The following FHIT variants were observed in gnomAD, a reference collection of about 807,000 sequenced individuals.
FHIT encodes bis(5'-adenosyl)-triphosphatase.
FHIT carries 19 observed loss-of-function variants against 17.9 expected under a neutral mutation model. The ratio of observed to expected loss-of-function variants is 1.06; its 90% CI spans 0.74 to 1.56. The LOEUF (loss-of-function observed/expected upper bound fraction) is 1.56. FHIT is among the 40% of genes most tolerant of loss of function. The probability of loss-of-function intolerance (pLI) is 0.00; values close to 1 mark genes in which losing one functional copy is unlikely to be tolerated. For missense variants in FHIT, 248 were observed against 189.2 expected, an observed-to-expected ratio of 1.31 and a Z score of -1.82; for synonymous variants, 81 against 69.7, an observed-to-expected ratio of 1.16 and a Z score of -0.81.
At chr3:60,971,904 C>A (rs1322599412) in intron 3 of FHIT, among the ~76,000 whole-genome samples, 2 of 152,146 alleles carry the variant, frequency 1.3e-5, no homozygotes, top group South Asian at 2.1e-4. Context: ...AGATGTGGAA[C>A]AAATGCTTGA....
At chr3:60,856,966 A>T (rs1248492192) in intron 3 of FHIT, among the ~76,000 whole-genome samples, 1 of 152,154 alleles carries the variant, frequency 6.6e-6, no homozygotes, top group African/African-American at 2.4e-5. Context: ...AAACCAGGTT[A>T]CCTTCCCAAT....
chr3:60,268,806 G>A (rs553915599), intron 5 of FHIT, among the ~76,000 whole-genome samples: 1 of 152,166 alleles, frequency 6.6e-6, no homozygotes, highest in African/African-American at 2.4e-5. Context: ...GATGAAGGTT[G>A]CTAATCTGCT....
chr3:60,385,798 G>C (rs1700984612), intron 5 of FHIT, among the ~76,000 whole-genome samples: 1 of 152,082 alleles, frequency 6.6e-6, no homozygotes, highest in African/African-American at 2.4e-5. Context: ...GACTGGTCTT[G>C]AACTCCTGAA....
intron 3 of FHIT, among the ~76,000 whole-genome samples, chr3:61,026,652 T>TC (rs2032748108): frequency 6.6e-6 from 1 of 151,948 alleles, no homozygotes; most frequent in African/African-American, 2.4e-5. Flanking sequence ...TGAGACCTTT[T>TC]TTTTGCAATT....
chr3:61,130,603 T>C (rs1432091081), intron 2 of FHIT, among the ~76,000 whole-genome samples: 2 of 151,952 alleles, frequency 1.3e-5, no homozygotes, highest in East Asian at 3.9e-4. Context: ...TTGGACAAAA[T>C]AAAGAAGCTC....
intron 3 of FHIT, among the ~76,000 whole-genome samples, chr3:60,960,810 A>G (rs140594773): frequency 0.026 from 3,982 of 152,158 alleles, 166 homozygotes; most frequent in African/African-American, 0.085. Context: ...TATGTGCCAC[A>G]TTTTCTTAAT....
chr3:60,149,222 A>G (rs1467606342), intron 5 of FHIT, among the ~76,000 whole-genome samples: 1 of 152,124 alleles, frequency 6.6e-6, no homozygotes, highest in African/African-American at 2.4e-5. Context: ...ATGCCATAGG[A>G]TTTAGAAAGG....
intron 4 of FHIT, among the ~76,000 whole-genome samples, chr3:60,806,133 A>G (rs1701377025): frequency 1.3e-5 from 2 of 152,342 alleles, no homozygotes; most frequent in African/African-American, 2.4e-5. Context: ...TGTGGCACTC[A>G]AATACACAAC....
intron 2 of FHIT, among the ~76,000 whole-genome samples, chr3:61,197,422 T>C (rs1560062544): frequency 6.6e-6 from 1 of 152,170 alleles, no homozygotes. Flanking sequence ...CATATAATAC[T>C]GTCATGCTAT....
chr3:61,129,641 C>T (rs1224920632), intron 2 of FHIT, among the ~76,000 whole-genome samples: 1 of 152,198 alleles, frequency 6.6e-6, no homozygotes, highest in East Asian at 1.9e-4. Context: ...GCAAGATCTT[C>T]GAAGCTTAGA....
chr3:59,800,661 T>C (rs1232921727), intron 8 of FHIT, among the ~76,000 whole-genome samples: 2 of 152,222 alleles, frequency 1.3e-5, no homozygotes, highest in Admixed American at 6.5e-5. Flanking sequence ...ACCCCTTTCT[T>C]GGGCCACTGG....
chr3:61,038,665 C>T (rs78943909), intron 3 of FHIT, among the ~76,000 whole-genome samples: 1,871 of 151,990 alleles, frequency 0.012, 42 homozygotes, highest in African/African-American at 0.043. Flanking sequence ...TTCTGAAATA[C>T]ATCAGAGTAA....
chr3:60,408,711 T>C (rs1460617107), intron 5 of FHIT, among the ~76,000 whole-genome samples: 1 of 152,154 alleles, frequency 6.6e-6, no homozygotes, highest in African/African-American at 2.4e-5. Context: ...AACTTGGTAT[T>C]TCCTAAGATC....
chr3:60,060,303 C>A (rs983889850), intron 5 of FHIT, among the ~76,000 whole-genome samples: 1 of 152,034 alleles, frequency 6.6e-6, no homozygotes, highest in Non-Finnish European at 1.5e-5. Flanking sequence ...ATCTCAAAAC[C>A]AAATTATAAT....
At chr3:59,793,457 C>T (rs683809) in intron 8 of FHIT, among the ~76,000 whole-genome samples, 112,311 of 152,012 alleles carry the variant, frequency 0.74, 41,777 homozygotes, top group Middle Eastern at 0.83. Flanking sequence ...TTACCAAAGA[C>T]GACAAGAGGA....
At chr3:60,378,887 A>C (rs1223550908) in intron 5 of FHIT, among the ~76,000 whole-genome samples, 1 of 152,330 alleles carries the variant, frequency 6.6e-6, no homozygotes, top group East Asian at 1.9e-4. Flanking sequence ...AAAAAGATCA[A>C]ACGTGGATTC....
intron 4 of FHIT, among the ~76,000 whole-genome samples, chr3:60,620,600 C>G (rs1300919694): frequency 6.7e-6 from 1 of 149,296 alleles, no homozygotes; most frequent in African/African-American, 2.5e-5. Context: ...AAAAAAAAAA[C>G]TATGAAGAGA....
intron 3 of FHIT, among the ~76,000 whole-genome samples, chr3:60,849,227 CAGAG>C (rs1553747533): frequency 6.6e-6 from 1 of 151,678 alleles, no homozygotes. Context: ...GAGGGAGAGA[CAGAG>C]AGAATGAGAA....
At chr3:61,204,917 G>A (rs949177223) in intron 1 of FHIT, among the ~76,000 whole-genome samples, 4 of 151,924 alleles carry the variant, frequency 2.6e-5, no homozygotes, top group African/African-American at 9.7e-5. Flanking sequence ...TTGGTGTGCT[G>A]CACCCATTAA....
Sources: allele counts gnomAD v4.1 joint callset (sites outside exome capture counted in the v4.1 genomes callset), GRCh38; gene constraint gnomAD v4.1.1; transcripts MANE v1.5; gene names NCBI Gene and HGNC (gene_info 2026-07-23, HGNC 2026-07-21).